Variants in ODAD2 observed in about 807,000 individuals in gnomAD.
ODAD2 encodes the protein outer dynein arm docking complex subunit 2, also known as outer dynein arm-docking complex subunit 2.
Under a neutral mutation model 106.8 loss-of-function variants are expected in ODAD2, and 89 were observed. The ratio of observed to expected loss-of-function variants is 0.83; its 90% CI spans 0.70 to 0.99. The LOEUF (loss-of-function observed/expected upper bound fraction) is 0.99, where lower values mean the gene tolerates loss of function less well. ODAD2 is among the 50% of genes least tolerant of loss of function. The pLI, the probability that ODAD2 is intolerant of heterozygous loss-of-function variation, is 0.00. For synonymous variants in ODAD2, 404 were observed against 436.2 expected (o/e 0.93, Z 0.92); for missense variants, 1,168 against 1,238.5 (o/e 0.94, Z 0.85).
chr10:27,839,683 T>C lies in ODAD2; in HGVS notation c.3021+20942A>G, dbSNP rs545166659. Reference sequence around the variant, plus strand: ...AAAACGCTGTGGTTTAAACATAAAGTTGGGAGCCAACAGCGACAGATATAA... The same window carrying C: ...AAAACGCTGTGGTTTAAACATAAAGCTGGGAGCCAACAGCGACAGATATAA... On this transcript the variant is annotated intron_variant, in intron 19 of 19. Coordinates refer to ENST00000305242, the MANE Select transcript of ODAD2 (RefSeq NM_018076.5). Among the ~76,000 whole-genome samples the C allele has an allele frequency of 2.6e-5, 4 of 152,276 alleles. No homozygotes were observed. The South Asian group carries it at 8.3e-4, about 32-fold the overall frequency.
At chr10:27,961,460 C>T in intron 10 of ODAD2, 108 bp downstream of exon 10, 1 of 1,102,858 alleles carries the variant, frequency 9.1e-7, no homozygotes, top group Non-Finnish European at 1.3e-6. Context: ...GGAATGCTTA[C>T]TACTCTTATT....
chr10:27,893,295 A>C (rs1842676240), intron 17 of ODAD2, among the ~76,000 whole-genome samples: 1 of 152,238 alleles, frequency 6.6e-6, no homozygotes, highest in African/African-American at 2.4e-5. Context: ...ATGTGTTCTA[A>C]TGTGTATAAC....
At chr10:27,972,256 G>A (rs993999405) in intron 7 of ODAD2, among the ~76,000 whole-genome samples, 3 of 151,924 alleles carry the variant, frequency 2.0e-5, no homozygotes, top group African/African-American at 7.3e-5. Flanking sequence ...ATAAGCCAGA[G>A]GGCAGCTAAG....
chr10:27,885,731 A>ATATT (rs1842123547), intron 17 of ODAD2, among the ~76,000 whole-genome samples: 1 of 36,404 alleles, frequency 2.7e-5, no homozygotes, highest in African/African-American at 8.8e-5. Flanking sequence ...TTATATATAA[A>ATATT]ATATATTATG....
chr10:27,900,643 C>T (rs150830607), intron 17 of ODAD2, among the ~76,000 whole-genome samples: 26 of 152,178 alleles, frequency 1.7e-4, no homozygotes, highest in African/African-American at 4.3e-4. Flanking sequence ...CTGAAAAACA[C>T]GGCAAAAGAA....
chr10:27,935,280 T>C (rs748352808), intron 15 of ODAD2, 28 bp from the exon 16 acceptor site: 18 of 1,611,418 alleles, frequency 1.1e-5, no homozygotes, highest in Non-Finnish European at 1.4e-5. Context: ...AAGAGGAGAA[T>C]TGGTTTTTGT....
intron 6 of ODAD2, among the ~76,000 whole-genome samples, chr10:27,983,575 T>G (rs779310146): frequency 3.3e-5 from 5 of 152,220 alleles, no homozygotes; most frequent in Non-Finnish European, 7.3e-5. Context: ...ATCAGTGAAG[T>G]GATTACGTTA....
intron 19 of ODAD2, among the ~76,000 whole-genome samples, chr10:27,851,479 T>C (rs992057299): frequency 6.6e-6 from 1 of 151,814 alleles, no homozygotes; most frequent in Non-Finnish European, 1.5e-5. Flanking sequence ...AGACTCAACA[T>C]GTCAAGTAGA....
intron 17 of ODAD2, among the ~76,000 whole-genome samples, chr10:27,864,578 A>AG (rs1163719817): frequency 5.2e-5 from 4 of 76,214 alleles, no homozygotes; most frequent in Non-Finnish European, 2.7e-5. Context: ...TGAGGTGAGA[A>AG]TGGGGAGTGA....
At chr10:27,931,405 C>T (rs1440690056) in intron 16 of ODAD2, among the ~76,000 whole-genome samples, 1 of 152,066 alleles carries the variant, frequency 6.6e-6, no homozygotes, top group African/African-American at 2.4e-5. Context: ...ACTCCACAAA[C>T]TAGTTTTGTG....
intron 10 of ODAD2, among the ~76,000 whole-genome samples, chr10:27,953,972 A>T (rs4600119): frequency 6.6e-6 from 1 of 151,946 alleles, no homozygotes; most frequent in Admixed American, 6.6e-5. Flanking sequence ...CCCTGCGAGA[A>T]AAATCTCAAA....
At chr10:27,848,493 G>A (rs1294544508) in intron 19 of ODAD2, among the ~76,000 whole-genome samples, 1 of 151,974 alleles carries the variant, frequency 6.6e-6, no homozygotes, top group Non-Finnish European at 1.5e-5. Flanking sequence ...CAGGACATAG[G>A]CATGGGCAAG....
chr10:27,857,581 A>C (rs1407147298), intron 19 of ODAD2, among the ~76,000 whole-genome samples: 1 of 152,238 alleles, frequency 6.6e-6, no homozygotes, highest in Non-Finnish European at 1.5e-5. Context: ...GGCTTATGTG[A>C]CATTTCTGCT....
At chr10:27,901,006 T>A (rs1287049467) in intron 17 of ODAD2, among the ~76,000 whole-genome samples, 1 of 151,976 alleles carries the variant, frequency 6.6e-6, no homozygotes, top group African/African-American at 2.4e-5. Flanking sequence ...CCAAGACACA[T>A]AATCATCAGA....
Position 27,913,182 on chromosome 10 carries a change from G to T in ODAD2, c.2496-5405C>A, listed in dbSNP as rs114552413. Among the ~76,000 whole-genome samples the T allele has an allele frequency of 8.3e-3, 1,261 of 152,064 alleles. 14 individuals carry two copies. The highest frequency in any genetic ancestry group is 0.028 in the African/African-American group (1,163 of 41,476). On this transcript the variant is annotated intron_variant, in intron 16 of 19. Coordinates refer to ENST00000305242, the MANE Select transcript of ODAD2 (RefSeq NM_018076.5). ...GTACATGTGCAGGTTTGTTAAATAGGTAAATTACGTGTCGCGGGGGTTTGG... is the reference window on the plus strand; with the variant it reads ...GTACATGTGCAGGTTTGTTAAATAGTTAAATTACGTGTCGCGGGGGTTTGG...
At chr10:27,938,904 T>C (rs1201720472) in intron 14 of ODAD2, among the ~76,000 whole-genome samples, 1 of 152,114 alleles carries the variant, frequency 6.6e-6, no homozygotes, top group Non-Finnish European at 1.5e-5. Context: ...TACAGCCCCT[T>C]GTATCTTTTT....
At chr10:27,831,151 C>T (rs958838606) in intron 19 of ODAD2, among the ~76,000 whole-genome samples, 3 of 152,324 alleles carry the variant, frequency 2.0e-5, no homozygotes, top group Admixed American at 1.3e-4. Flanking sequence ...TGCTTGGATG[C>T]ATCCTTACCT....
Position 27,812,574 on chromosome 10 carries a change from C to T in ODAD2, c.3073G>A (p.Ala1025Thr). 6.2e-7 allele frequency: 1 copy of T among 1,613,140 alleles called. No individual in the cohort carries two copies. The highest frequency in any genetic ancestry group is 8.5e-7 in the Non-Finnish European group (1 of 1,179,816). The part of the protein sequence containing the change: ...SPDQDLQEAA[A>T]GCISNIRRLA... ...CTGCGGATATTGGATATACAACCAG[C>T]TGCAGCTTCCTGGAGATCCTGGTCA... Residue 1025 changes from alanine (A) to threonine (T), a missense_variant, in exon 20 of 20, where the codon GCT (alanine) becomes ACT (threonine). Coordinates refer to ENST00000305242, the MANE Select transcript of ODAD2 (RefSeq NM_018076.5).
intron 7 of ODAD2, 54 bp downstream of exon 7, chr10:27,981,412 T>C: frequency 7.1e-7 from 1 of 1,410,524 alleles, no homozygotes; most frequent in Non-Finnish European, 9.3e-7. Context: ...CCATAGAAAG[T>C]TGTAGTTTAG....
Sources: allele counts gnomAD v4.1 joint callset (sites outside exome capture counted in the v4.1 genomes callset), GRCh38; gene constraint gnomAD v4.1.1; transcripts MANE v1.5; gene names NCBI Gene and HGNC (gene_info 2026-07-23, HGNC 2026-07-21).